FUT8: variants seen among roughly 807,000 people sequenced by gnomAD.
FUT8 encodes the protein fucosyltransferase 8, also known as alpha-(1,6)-fucosyltransferase.
A neutral mutation model predicts 71.3 loss-of-function variants in FUT8; 29 were observed. That is an observed-to-expected ratio of 0.41 (90% CI 0.30 to 0.55). FUT8 has a LOEUF of 0.55. FUT8 is among the 20% of genes least tolerant of loss of function. The pLI, the probability that FUT8 is intolerant of heterozygous loss-of-function variation, is 0.34. For synonymous variants in FUT8, 254 were observed against 239.3 expected (o/e 1.06, Z -0.57); for missense variants, 544 against 702.1 (o/e 0.77, Z 2.55).
chr14:65,429,409 C>T (rs114443235), intron 1 of FUT8, among the ~76,000 whole-genome samples: 123 of 152,194 alleles, frequency 8.1e-4, no homozygotes, highest in African/African-American at 2.9e-3. Flanking sequence ...ATTACAGCGG[C>T]GTAAGAAAAT....
intron 7 of FUT8, among the ~76,000 whole-genome samples, chr14:65,677,871 C>T (rs1892842431): frequency 6.6e-6 from 1 of 152,074 alleles, no homozygotes; most frequent in African/African-American, 2.4e-5. Context: ...CTGTGGGCCA[C>T]CAGAGAATAG....
chr14:65,700,381 GTTTTTTTTTTTTTTT>G (rs763718984), intron 7 of FUT8, among the ~76,000 whole-genome samples: 1 of 48,848 alleles, frequency 2.0e-5, no homozygotes, highest in African/African-American at 8.5e-5. Context: ...CTTTCTTTCT[GTTTTTTTTTTTTTTT>G]TTTTTTTTTT....
At chr14:65,359,903 G>A in the FUT8 span, among the ~76,000 whole-genome samples, 133 of 152,052 alleles carry the variant, frequency 8.7e-4, no homozygotes, top group African/African-American at 2.9e-3. Context: ...TCTGCTCATC[G>A]CAATCTCCGC....
upstream of FUT8, chr14:65,410,873 T>C (rs575786102): frequency 6.6e-5 from 10 of 152,136 alleles, no homozygotes; most frequent in Non-Finnish European, 1.3e-4. Context: ...CCTGGAACTC[T>C]TGGGCTTAAG....
intron 2 of FUT8, among the ~76,000 whole-genome samples, chr14:65,493,180 T>C (rs2066508509): frequency 6.6e-6 from 1 of 152,140 alleles, no homozygotes; most frequent in Non-Finnish European, 1.5e-5. Context: ...TTCCAGGGCA[T>C]AGAGGATTAA....
At chr14:65,384,895 C>CTTTTTT in the FUT8 span, among the ~76,000 whole-genome samples, 863 of 142,946 alleles carry the variant, frequency 6.0e-3, 44 homozygotes, top group East Asian at 0.1. This position sits in a 1 kb window ranked among gnomAD's most constrained non-coding sequence, Gnocchi z 4.2. Context: ...AGGTTAGATA[C>CTTTTTT]TTTTTTTTTT....
At chr14:65,495,991 AAATT>A (rs2066552613) in intron 2 of FUT8, among the ~76,000 whole-genome samples, 2 of 152,186 alleles carry the variant, frequency 1.3e-5, no homozygotes, top group African/African-American at 2.4e-5. Flanking sequence ...TAGACACAAA[AAATT>A]AATCATTAGG....
Position 65,616,385 on chromosome 14 carries a change from C to G in FUT8, c.482+12C>G. Reference sequence around the variant, plus strand: ...GGACATCATGAAAGGTACTATTCTCCTTTCACATTTTATTTGGGCTTTAGA... The same window carrying G: ...GGACATCATGAAAGGTACTATTCTCGTTTCACATTTTATTTGGGCTTTAGA... On this transcript the variant is annotated intron_variant, in intron 5 of 10. Coordinates refer to ENST00000673929, the MANE Select transcript of FUT8 (RefSeq NM_001371533.1). 6.5e-7 allele frequency: 1 copy of G among 1,538,354 alleles called. No homozygotes were observed. Among genetic ancestry groups the G allele is most frequent in the Non-Finnish European group, 8.8e-7 (1 of 1,142,522 alleles).
intron 5 of FUT8, among the ~76,000 whole-genome samples, chr14:65,623,190 C>T (rs1049117632): frequency 2.0e-5 from 3 of 152,150 alleles, no homozygotes; most frequent in African/African-American, 4.8e-5. Context: ...CACGCCCGAC[C>T]AAACTTCTCT....
chr14:65,428,880 C>G (rs147505770), intron 1 of FUT8, among the ~76,000 whole-genome samples: 2 of 152,162 alleles, frequency 1.3e-5, no homozygotes, highest in East Asian at 3.9e-4. Context: ...GAAGTTTGTG[C>G]CAAGCTGCAC....
intron 10 of FUT8, among the ~76,000 whole-genome samples, chr14:65,739,128 G>C (rs751121386): frequency 6.6e-6 from 1 of 151,904 alleles, no homozygotes; most frequent in African/African-American, 2.4e-5. Context: ...TACCTCACAG[G>C]TTTGTCATAA....
chr14:65,507,278 T>G (rs1223668339), intron 2 of FUT8, among the ~76,000 whole-genome samples: 2 of 152,212 alleles, frequency 1.3e-5, no homozygotes, highest in Non-Finnish European at 2.9e-5. Context: ...TTATGCAAAC[T>G]CTCGGCCTTC....
chr14:65,394,580 C>G, the FUT8 span, among the ~76,000 whole-genome samples: 5 of 152,136 alleles, frequency 3.3e-5, no homozygotes, highest in Admixed American at 6.5e-5. Flanking sequence ...TGAGACAAGG[C>G]AAGTCCCTTC....
At chr14:65,671,920 T>C (rs1223587599) in intron 7 of FUT8, among the ~76,000 whole-genome samples, 1 of 152,190 alleles carries the variant, frequency 6.6e-6, no homozygotes, top group East Asian at 1.9e-4. Context: ...TCATTCTGAG[T>C]TGTACAAAAA....
intron 6 of FUT8, among the ~76,000 whole-genome samples, chr14:65,662,138 G>A (rs1026779493): frequency 2.0e-5 from 3 of 152,178 alleles, no homozygotes; most frequent in Non-Finnish European, 4.4e-5. Context: ...ATTGGGCCAG[G>A]AGTGGTGGCT....
Position 65,533,523 on chromosome 14 carries a change from T to A in FUT8, c.-227-27814T>A, listed in dbSNP as rs373839004. On this transcript the variant is annotated intron_variant, in intron 2 of 10. Coordinates refer to ENST00000673929, the MANE Select transcript of FUT8 (RefSeq NM_001371533.1). ...TTAATTTGTATTGTGAAACTTTGCT[T>A]AAGTTGTTCATTAGCTTATGGTGCT... 1.2e-4 allele frequency among the ~76,000 whole-genome samples: 19 copies of A among 152,298 alleles called. 3 individuals are homozygous for A. The highest frequency in any genetic ancestry group is 4.3e-4 in the African/African-American group (18 of 41,568).
At chr14:65,411,851 A>AC (rs577816927), upstream of FUT8, 2,901 of 356,364 alleles carry the variant, frequency 8.1e-3, 14 homozygotes, top group Non-Finnish European at 0.013. Context: ...CCTCGGCGGC[A>AC]CCCCTCGTCC....
intron 2 of FUT8, among the ~76,000 whole-genome samples, chr14:65,558,600 A>G (rs542271292): frequency 6.6e-6 from 1 of 152,216 alleles, no homozygotes; most frequent in Admixed American, 6.5e-5. Flanking sequence ...AGTGAACACA[A>G]TGAACAAAAA....
intron 1 of FUT8, among the ~76,000 whole-genome samples, chr14:65,449,878 C>G (rs773749699): frequency 6.6e-6 from 1 of 152,196 alleles, no homozygotes; most frequent in Non-Finnish European, 1.5e-5. Flanking sequence ...GTGCCTGAGT[C>G]ATACTTAGCT....
Sources: allele counts gnomAD v4.1 joint callset (sites outside exome capture counted in the v4.1 genomes callset), GRCh38; gene constraint gnomAD v4.1.1; non-coding constraint Gnocchi (gnomAD v3.1); transcripts MANE v1.5; gene names NCBI Gene and HGNC (gene_info 2026-07-23, HGNC 2026-07-21).